The following PGLYRP1 variants were observed in gnomAD, a reference collection of about 807,000 sequenced individuals.
PGLYRP1 encodes peptidoglycan recognition protein 1, also known as TNF superfamily, member 3 (LTB)-like (peptidoglycan recognition protein).
In PGLYRP1, 18 loss-of-function variants were observed where a neutral mutation model predicts 16.3. The ratio of observed to expected loss-of-function variants is 1.11; its 90% CI spans 0.77 to 1.64. The LOEUF (loss-of-function observed/expected upper bound fraction) is 1.64. PGLYRP1 is among the 40% of genes most tolerant of loss of function. The pLI is 0.00. For missense variants in PGLYRP1, 261 were observed against 268.6 expected, an observed-to-expected ratio of 0.97 and a Z score of 0.20; for synonymous variants, 89 against 105.7, an observed-to-expected ratio of 0.84 and a Z score of 0.97.
At position 46,019,159 on chromosome 19, in the gene PGLYRP1, G is replaced by A. The variant is rs1969014842; in HGVS notation, c.*79C>T. On this transcript the variant is annotated 3_prime_UTR_variant, in exon 3 of 3. Transcript: ENST00000008938. This position sits in a 1 kb window ranked among gnomAD's most constrained non-coding sequence, Gnocchi z 4.8. ...GGACCTGCTGAGGAACACATTTTGA[G>A]CTACATCTTTATTGGAGAAGGAGAC... 1.1e-5 allele frequency: 14 copies of A among 1,305,024 alleles called. No homozygotes were observed. The highest frequency in any genetic ancestry group is 1.4e-5 in the Non-Finnish European group (13 of 905,566). The allele number at this position is 1,305,024 out of a possible 1,614,324, so 80.8% of individuals were successfully genotyped here. A position where few individuals can be genotyped will look rare whatever the true frequency, so the allele number is the denominator to read the frequency against.
chr19:46,022,924 A>T lies in PGLYRP1; in HGVS notation c.98T>A (p.Ile33Lys), dbSNP rs150023007. 5.0e-6 allele frequency: 8 copies of T among 1,611,238 alleles called. No homozygotes were observed. Among genetic ancestry groups the T allele is most frequent in the Non-Finnish European group, 6.8e-6 (8 of 1,178,818 alleles). ...ETEDPACCSP[I>K]VPRNEWKALA... Reference sequence around the variant, plus strand: ...GGCCTTCCACTCGTTCCGGGGCACTATGGGGCTGCAGCAGGCCGGGTCTTC... The same window carrying T: ...GGCCTTCCACTCGTTCCGGGGCACTTTGGGGCTGCAGCAGGCCGGGTCTTC... Residue 33 changes from isoleucine (I) to lysine (K), a missense_variant, in exon 1 of 3, where the codon ATA becomes AAA. Ile to Lys is a moderately radical substitution (Grantham distance 102). Coordinates refer to ENST00000008938, the MANE Select transcript of PGLYRP1 (RefSeq NM_005091.3).
At chr19:46,022,373 C>T (rs145535021) in intron 1 of PGLYRP1, among the ~76,000 whole-genome samples, 2 of 152,372 alleles carry the variant, frequency 1.3e-5, no homozygotes, top group African/African-American at 4.8e-5. Context: ...CAGCTCCGCA[C>T]TGAGTCAGCC....
chr19:46,020,174 T>C (rs903184705), intron 1 of PGLYRP1, among the ~76,000 whole-genome samples: 3 of 151,168 alleles, frequency 2.0e-5, no homozygotes, highest in Non-Finnish European at 2.9e-5. Flanking sequence ...AGTGGCGTGA[T>C]CTCAGCTCAC....
Position 46,019,609 on chromosome 19 carries a change from C to T in PGLYRP1, c.326G>A (p.Arg109His), listed in dbSNP as rs376239141. ...GTGGGCACCCGTGAAGTTCCAGCCA[C>T]GGCCCTCGTATACGAGCCCGTCTTC... Reference protein sequence around the residue: ...IGEDGLVYEGRGWNFTGAHSG... With the variant: ...IGEDGLVYEGHGWNFTGAHSG... Residue 109 changes from arginine to histidine, a missense_variant, in exon 2 of 3, where the codon CGT (arginine) becomes CAT (histidine). Transcript: ENST00000008938. The surrounding 1 kb of genome is among the most constrained non-coding windows in gnomAD (Gnocchi z 4.8). 83 of 1,613,820 alleles carry T rather than the reference C, an allele frequency of 5.1e-5. No homozygotes were observed. Among genetic ancestry groups the T allele is most frequent in the East Asian group, 8.9e-5 (4 of 44,874 alleles).
At position 46,019,686 on chromosome 19, in the gene PGLYRP1, G is replaced by T; in HGVS notation, c.288-39C>A. The T allele has an allele frequency of 6.3e-7, 1 of 1,592,836 alleles. No homozygotes were observed. The highest frequency in any genetic ancestry group is 1.1e-5 in the South Asian group (1 of 89,548). ...TGGGGGGGCTTGATGAGTGAGGGAGGGTTTCCCGAGGAGGACTCCTCCTCC... is the reference window on the plus strand; with the variant it reads ...TGGGGGGGCTTGATGAGTGAGGGAGTGTTTCCCGAGGAGGACTCCTCCTCC... On this transcript the variant is annotated intron_variant, in intron 1 of 2. Coordinates refer to ENST00000008938, the MANE Select transcript of PGLYRP1 (RefSeq NM_005091.3). The surrounding 1 kb of genome is among the most constrained non-coding windows in gnomAD (Gnocchi z 4.8).
intron 1 of PGLYRP1, among the ~76,000 whole-genome samples, chr19:46,022,133 C>G (rs1427946757): frequency 1.3e-5 from 2 of 152,272 alleles, no homozygotes; most frequent in East Asian, 3.8e-4. Context: ...TGGCACCGTT[C>G]TCCATGCCAC....
chr19:46,022,341 A>G (rs1315331272), intron 1 of PGLYRP1, among the ~76,000 whole-genome samples: 1 of 152,220 alleles, frequency 6.6e-6, no homozygotes, highest in Non-Finnish European at 1.5e-5. Flanking sequence ...AGCCAGCAAT[A>G]AGATGAGCTG....
chr19:46,022,993 C>A lies in PGLYRP1; in HGVS notation c.29G>T (p.Trp10Leu). The A allele has an allele frequency of 6.3e-7, 1 of 1,587,778 alleles. No homozygotes were observed. The highest frequency in any genetic ancestry group is 8.6e-7 in the Non-Finnish European group (1 of 1,166,696). The change falls in exon 1 of 3, where the codon TGG (tryptophan) becomes TTG (leucine). Residue 10 changes from tryptophan to leucine, a missense_variant. Coordinates refer to ENST00000008938, the MANE Select transcript of PGLYRP1 (RefSeq NM_005091.3). ...GAGTCGAAGGAGGCTGGGGAGAGCC[C>A]AGGCAAGCAGCATAGAGCGGCGGGA... MSRRSMLLA[W>L]ALPSLLRLGA...
chr19:46,019,355 C>T lies in PGLYRP1; in HGVS notation c.474G>A (p.Gln158=). 1 of 1,613,856 alleles carries T rather than the reference C, an allele frequency of 6.2e-7. No homozygotes were observed. Among genetic ancestry groups the T allele is most frequent in the South Asian group, 1.1e-5 (1 of 91,082 alleles). The change falls in exon 3 of 3, where the codon CAG becomes CAA. Residue 158 remains glutamine, a synonymous_variant. Transcript: ENST00000008938. The surrounding 1 kb of genome is among the most constrained non-coding windows in gnomAD (Gnocchi z 4.8). ...GCACATAGTTGGACCTCAGGGCTCC[C>T]TGAGCCACACCGCAGGCCAGTAGAC... ...AQGLLACGVA[Q]GALRSNYVLK...
At chr19:46,020,278 T>G (rs1477183917) in intron 1 of PGLYRP1, among the ~76,000 whole-genome samples, 1 of 151,696 alleles carries the variant, frequency 6.6e-6, no homozygotes, top group African/African-American at 2.4e-5. Context: ...CCGGCTAATT[T>G]TTGTATTATT....
At position 46,022,825 on chromosome 19, in the gene PGLYRP1, C is replaced by G. The variant is rs769224295; in HGVS notation, c.197G>C (p.Ser66Thr). ...CTGGCACGAGGCGGGGGTGTTGCAG[C>G]TGCTGCCCGCCGTGTGCGATACCAC... ...YVVVSHTAGS[S>T]CNTPASCQQQ... The change falls in exon 1 of 3, where the codon AGC becomes ACC. Residue 66 changes from serine to threonine, a missense_variant. Transcript: ENST00000008938. 15 of 1,613,758 alleles carry G rather than the reference C, an allele frequency of 9.3e-6. No individual in the cohort carries two copies. The Admixed American group carries it at 1.0e-4, about 11-fold the overall frequency.
At position 46,019,328 on chromosome 19, in the gene PGLYRP1, G is replaced by C. The variant is rs1156302811; in HGVS notation, c.501C>G (p.Leu167=). 80 of 1,613,816 alleles carry C rather than the reference G, an allele frequency of 5.0e-5. No individual in the cohort carries two copies. Among genetic ancestry groups the C allele is most frequent in the Non-Finnish European group, 6.7e-5 (79 of 1,179,960 alleles). The change falls in exon 3 of 3, where the codon CTC becomes CTG. Residue 167 remains leucine, a synonymous_variant. Coordinates refer to ENST00000008938, the MANE Select transcript of PGLYRP1 (RefSeq NM_005091.3). This position sits in a 1 kb window ranked among gnomAD's most constrained non-coding sequence, Gnocchi z 4.8. ...TACGCTGCACATCCCGGTGTCCTTTGAGCACATAGTTGGACCTCAGGGCTC... is the reference window on the plus strand; with the variant it reads ...TACGCTGCACATCCCGGTGTCCTTTCAGCACATAGTTGGACCTCAGGGCTC... ...AQGALRSNYV[L]KGHRDVQRTL...
chr19:46,023,008 G>C lies in PGLYRP1; in HGVS notation c.14C>G (p.Ser5Cys), dbSNP rs2146498223. The change falls in exon 1 of 3, where the codon TCT (serine) becomes TGT (cysteine). Residue 5 changes from serine to cysteine, a missense_variant. By Grantham distance (112) the Ser-to-Cys change is moderately radical. Coordinates refer to ENST00000008938, the MANE Select transcript of PGLYRP1 (RefSeq NM_005091.3). The stretch of plus-strand genomic sequence containing the variant: ...GGGGAGAGCCCAGGCAAGCAGCATA[G>C]AGCGGCGGGACATAGTGGCAGGGCG... The part of the protein sequence containing the change: MSRR[S>C]MLLAWALPSL... 6.4e-7 allele frequency: 1 copy of C among 1,558,690 alleles called. No homozygotes were observed. The highest frequency in any genetic ancestry group is 1.4e-5 in the African/African-American group (1 of 73,402).
In PGLYRP1 at chr19:46,023,017, G is replaced by T; in HGVS notation, c.5C>A (p.Ser2Tyr). The change falls in exon 1 of 3, where the codon TCC becomes TAC. Residue 2 changes from serine (S) to tyrosine (Y), a missense_variant. Transcript: ENST00000008938. Reference protein sequence around the residue: MSRRSMLLAWAL... With the variant: MYRRSMLLAWAL... ...CCAGGCAAGCAGCATAGAGCGGCGG[G>T]ACATAGTGGCAGGGCGGCAGGGTCC... The T allele has an allele frequency of 6.5e-7, 1 of 1,541,574 alleles. No individual in the cohort carries two copies.
intron 1 of PGLYRP1, chr19:46,021,332 C>A (rs1388412421): frequency 1.3e-5 from 2 of 152,204 alleles, no homozygotes; most frequent in African/African-American, 2.4e-5. Context: ...GCTGGGAATA[C>A]CTTTGGACAC....
At chr19:46,022,370 G>A (rs1969053658) in intron 1 of PGLYRP1, among the ~76,000 whole-genome samples, 1 of 152,238 alleles carries the variant, frequency 6.6e-6, no homozygotes, top group Admixed American at 6.5e-5. Context: ...ACCCAGCTCC[G>A]CACTGAGTCA....
At position 46,019,659 on chromosome 19, in the gene PGLYRP1, GGT is replaced by G. The variant is rs747104971; in HGVS notation, c.288-14_288-13del. On this transcript the variant is annotated splice_polypyrimidine_tract_variant and intron_variant, in intron 1 of 2. Transcript: ENST00000008938. This position sits in a 1 kb window ranked among gnomAD's most constrained non-coding sequence, Gnocchi z 4.8. ...CTCCAATCAGGAAGCTGCATGGGGA[GGT>G]GGGGGGGCTTGATGAGTGAGGGAGG... The G allele has an allele frequency of 8.1e-6, 13 of 1,611,148 alleles. No homozygotes were observed. The highest frequency in any genetic ancestry group is 1.1e-5 in the Non-Finnish European group (13 of 1,179,418).
In PGLYRP1 at chr19:46,019,397, G is replaced by A; in HGVS notation, c.432C>T (p.Ala144=). 1 of 1,613,630 alleles carries A rather than the reference G, an allele frequency of 6.2e-7. No individual in the cohort carries two copies. Among genetic ancestry groups the A allele is most frequent in the Non-Finnish European group, 8.5e-7 (1 of 1,179,934 alleles). Residue 144 remains alanine (A), a synonymous_variant, in exon 3 of 3, where the codon GCC becomes GCT. Transcript: ENST00000008938. The surrounding 1 kb of genome is among the most constrained non-coding windows in gnomAD (Gnocchi z 4.8). Reference sequence around the variant, plus strand: ...CCAGTAGACCCTGGGCTGCCCGGATGGCCTGGGGTGTGGGCACCCGATCTG... The same window carrying A: ...CCAGTAGACCCTGGGCTGCCCGGATAGCCTGGGGTGTGGGCACCCGATCTG... The part of the protein sequence containing the change: ...NYMDRVPTPQ[A]IRAAQGLLAC...
intron 1 of PGLYRP1, among the ~76,000 whole-genome samples, chr19:46,021,606 ACCTGCTTCAG>A (rs201095994): frequency 0.016 from 2,468 of 152,142 alleles, 24 homozygotes; most frequent in Middle Eastern, 0.027. Context: ...GTGGCCCCGG[ACCTGCTTCAG>A]CCTGCTTCAG....
Sources: allele counts gnomAD v4.1 joint callset (sites outside exome capture counted in the v4.1 genomes callset), GRCh38; gene constraint gnomAD v4.1.1; non-coding constraint Gnocchi (gnomAD v3.1); transcripts MANE v1.5; gene names NCBI Gene and HGNC (gene_info 2026-07-23, HGNC 2026-07-21).